The following DMD variants were observed in gnomAD, a reference collection of about 807,000 sequenced individuals.
DMD encodes the protein mutant dystrophin.
Under a neutral mutation model 330.1 loss-of-function variants are expected in DMD, and 63 were observed. That is an observed-to-expected ratio of 0.19 (90% confidence interval 0.16 to 0.24). The LOEUF (loss-of-function observed/expected upper bound fraction) is 0.24, where lower values mean the gene tolerates loss of function less well. DMD is among the 10% of genes least tolerant of loss of function. The pLI, the probability that DMD is intolerant of heterozygous loss-of-function variation, is 1.00. For synonymous variants in DMD, 1,223 were observed against 959.8 expected (o/e 1.27, Z -5.07); for missense variants, 3,344 against 2,684.1 (o/e 1.25, Z -5.43).
chrX:31,366,455 A>ACT (rs1374467681), intron 60 of DMD, among the ~76,000 whole-genome samples: 2 of 69,205 alleles, frequency 2.9e-5, no homozygotes, highest in African/African-American at 1.2e-4. Flanking sequence ...AGGCTGATCC[A>ACT]CTCTCTCTCT....
intron 44 of DMD, among the ~76,000 whole-genome samples, chrX:32,036,257 CAG>C (rs1458380437): frequency 9.0e-6 from 1 of 111,102 alleles, no homozygotes; most frequent in Non-Finnish European, 1.9e-5. Flanking sequence ...ACTGAAATTC[CAG>C]AGTCTAGGGT....
intron 44 of DMD, among the ~76,000 whole-genome samples, chrX:32,144,228 C>A (rs1305627066): frequency 8.9e-6 from 1 of 111,787 alleles, no homozygotes; most frequent in Non-Finnish European, 1.9e-5. Context: ...CTGAACTCCT[C>A]TCCATTCCAC....
At chrX:32,681,925 A>T (rs2062454212) in intron 9 of DMD, among the ~76,000 whole-genome samples, 1 of 111,630 alleles carries the variant, frequency 9.0e-6, no homozygotes, top group African/African-American at 3.3e-5. Context: ...AACTGGGGGA[A>T]AAACCCTTCC....
chrX:31,676,424 T>C (rs1293374918), intron 53 of DMD, among the ~76,000 whole-genome samples: 2 of 112,641 alleles, frequency 1.8e-5, no homozygotes, highest in Non-Finnish European at 3.7e-5. Context: ...TTTGCAATTA[T>C]TGTTTTATTT....
intron 48 of DMD, among the ~76,000 whole-genome samples, chrX:31,843,596 G>C (rs1375743008): frequency 9.0e-5 from 10 of 111,543 alleles, no homozygotes; most frequent in East Asian, 5.6e-4. Context: ...GTTCCCTATA[G>C]ATTATGGATA....
chrX:32,133,003 T>C lies in DMD; in HGVS notation c.6438+83913A>G, dbSNP rs143313916. On this transcript the variant is annotated intron_variant, in intron 44 of 78. Transcript: ENST00000357033. ...CACTCCTTTTCTTTTCTTTTTTTTT[T>C]TTTTTTTTTTTTTTTTTTTTTTAGA... Among the ~76,000 whole-genome samples the C allele has an allele frequency of 7.0e-3, 240 of 34,530 alleles. 1 individual carries two copies. Among genetic ancestry groups the C allele is most frequent in the East Asian group, 0.017 (24 of 1,396 alleles). The allele number at this position is 34,530 out of a possible 115,157, so 30.0% of individuals were successfully genotyped here.
At chrX:32,585,379 G>A (rs2054120396) in intron 13 of DMD, among the ~76,000 whole-genome samples, 1 of 111,890 alleles carries the variant, frequency 8.9e-6, no homozygotes. Context: ...TTTTGTAAAT[G>A]TATTAACACT....
intron 44 of DMD, among the ~76,000 whole-genome samples, chrX:32,023,374 C>G (rs1311622535): frequency 9.0e-6 from 1 of 111,286 alleles, no homozygotes; most frequent in Non-Finnish European, 1.9e-5. Context: ...CTGTTCTACC[C>G]TCTTCACTAA....
intron 30 of DMD, among the ~76,000 whole-genome samples, chrX:32,409,032 T>A (rs1373499138): frequency 9.0e-6 from 1 of 111,178 alleles, no homozygotes; most frequent in African/African-American, 3.3e-5. Context: ...TATTTCACTA[T>A]CTAACTTTTG....
chrX:31,761,373 A>G (rs2089578244), intron 51 of DMD, among the ~76,000 whole-genome samples: 1 of 111,098 alleles, frequency 9.0e-6, no homozygotes, highest in African/African-American at 3.3e-5. Context: ...GGGGTTTGTG[A>G]CAAAAGATAG....
chrX:32,780,846 C>T (rs1051541059), intron 7 of DMD, among the ~76,000 whole-genome samples: 1 of 109,826 alleles, frequency 9.1e-6, no homozygotes, highest in African/African-American at 3.3e-5. Context: ...GGCACTCGCA[C>T]TTTCAGAGGC....
rs1317532021 is a variant in DMD at position 32,309,234 on chromosome X, G to A, written c.6117+848C>T. On this transcript the variant is annotated intron_variant, in intron 42 of 78. Transcript: ENST00000357033. ...CAGGCAAATGTGTGATATAGAATGAGCTTCCAGGAAACCATTTGAGTATAA... is the reference window on the plus strand; with the variant it reads ...CAGGCAAATGTGTGATATAGAATGAACTTCCAGGAAACCATTTGAGTATAA... 6.3e-5 allele frequency among the ~76,000 whole-genome samples: 7 copies of A among 111,565 alleles called. No individual in the cohort carries two copies. The East Asian group carries it at 2.0e-3, about 31-fold the overall frequency.
rs2073021912 is a variant in DMD, at chrX:32,766,633, ATC to A, written c.649+42858_649+42859del. Among the ~76,000 whole-genome samples, 4 of 111,495 alleles carry A rather than the reference ATC, an allele frequency of 3.6e-5. No individual in the cohort carries two copies. The South Asian group carries it at 1.5e-3, about 42-fold the overall frequency. On this transcript the variant is annotated intron_variant, in intron 7 of 78. Coordinates refer to ENST00000357033, the MANE Select transcript of DMD (RefSeq NM_004006.3). ...AATTTTCTACATATAAGATCATATC[ATC>A]TGAGAAGCTTATAAAATTTTTGCAT...
At chrX:31,238,769 G>T (rs1487645487) in intron 63 of DMD, among the ~76,000 whole-genome samples, 1 of 111,827 alleles carries the variant, frequency 8.9e-6, no homozygotes, top group Non-Finnish European at 1.9e-5. Context: ...GCACAAGGGT[G>T]AATGGGCAGT....
At chrX:33,105,789 A>G (rs186633545) in intron 1 of DMD, among the ~76,000 whole-genome samples, 75 of 111,929 alleles carry the variant, frequency 6.7e-4, no homozygotes, top group African/African-American at 2.4e-3. Flanking sequence ...GTTGGCATGG[A>G]CAAGATAAAA....
chrX:32,189,297 A>G (rs2096961154), intron 44 of DMD, among the ~76,000 whole-genome samples: 1 of 109,187 alleles, frequency 9.2e-6, no homozygotes, highest in Non-Finnish European at 1.9e-5. Context: ...AAATTTGAAA[A>G]CTTTGAAAAA....
intron 44 of DMD, among the ~76,000 whole-genome samples, chrX:32,092,669 C>G (rs920893692): frequency 2.9e-5 from 3 of 103,516 alleles, no homozygotes; most frequent in Non-Finnish European, 5.9e-5. Context: ...AACAGCTATG[C>G]AGTGGAGTAT....
intron 52 of DMD, among the ~76,000 whole-genome samples, chrX:31,689,639 C>CA (rs1274578916): frequency 4.5e-5 from 5 of 110,867 alleles, no homozygotes; most frequent in African/African-American, 1.6e-4. Context: ...CATATGGAAC[C>CA]AAAAAAGAGC....
At chrX:31,266,182 A>AAAAAAAAAAAAAG in intron 62 of DMD, among the ~76,000 whole-genome samples, 1 of 103,199 alleles carries the variant, frequency 9.7e-6, no homozygotes, top group African/African-American at 3.7e-5. Context: ...AAAAAAAAAA[A>AAAAAAAAAAAAAG]AGCCCAAACA....
Sources: allele counts gnomAD v4.1 joint callset (sites outside exome capture counted in the v4.1 genomes callset), GRCh38; gene constraint gnomAD v4.1.1; transcripts MANE v1.5; gene names NCBI Gene and HGNC (gene_info 2026-07-23, HGNC 2026-07-21).